ILDR1: variants seen among roughly 807,000 people sequenced by gnomAD.
The protein encoded by ILDR1 is immunoglobulin like domain containing receptor 1.
ILDR1 carries 56 observed loss-of-function variants against 62.4 expected under a neutral mutation model. That is an observed-to-expected ratio of 0.90 (90% CI 0.72 to 1.12). The LOEUF is 1.12. Ranked by LOEUF, ILDR1 falls within the 50% of genes most tolerant of loss-of-function variation. The pLI is 0.00. For synonymous variants in ILDR1, 284 were observed against 277.8 expected, an observed-to-expected ratio of 1.02 and a Z score of -0.22; for missense variants, 736 against 710.6, an observed-to-expected ratio of 1.04 and a Z score of -0.41.
At chr3:121,991,421 C>A (rs1305477298) in intron 7 of ILDR1, among the ~76,000 whole-genome samples, 1 of 152,094 alleles carries the variant, frequency 6.6e-6, no homozygotes, top group African/African-American at 2.4e-5. Flanking sequence ...AATGAAGAGA[C>A]CTGGTTTAGT....
the ILDR1 span, among the ~76,000 whole-genome samples, chr3:122,042,844 A>T: frequency 3.3e-5 from 5 of 151,300 alleles, no homozygotes; most frequent in East Asian, 5.9e-4. Context: ...GGTTGTGAAA[A>T]TTTTTTCCCA....
chr3:122,029,511 A>ATATATATAT, the ILDR1 span, among the ~76,000 whole-genome samples: 4,909 of 139,240 alleles, frequency 0.035, 178 homozygotes, highest in African/African-American at 0.085. Flanking sequence ...GTCTAAAAAA[A>ATATATATAT]ATATATATAT....
chr3:121,993,151 G>A lies in ILDR1; in HGVS notation c.1598C>T (p.Ser533Leu), dbSNP rs751575285. Residue 533 changes from serine to leucine, a missense_variant and splice_region_variant, in exon 7 of 8, where the codon TCG (serine) becomes TTG (leucine). Physicochemically the swap from Ser to Leu is moderately radical, Grantham distance 145. Coordinates refer to ENST00000344209, the MANE Select transcript of ILDR1 (RefSeq NM_001199799.2). The part of the protein sequence containing the change: ...SRKKGSVERR[S>L]EKDSSHSGRS... ...CTCAGCAGGATGCCCCAGGCTCACC[G>A]AGCGCCTCTCCACACTCCCTTTTTT... 8.8e-6 allele frequency: 14 copies of A among 1,583,886 alleles called. No individual in the cohort carries two copies. The highest frequency in any genetic ancestry group is 1.7e-4 in the Middle Eastern group (1 of 6,030).
chr3:122,030,619 G>GTTTT, the ILDR1 span, among the ~76,000 whole-genome samples: 292 of 132,104 alleles, frequency 2.2e-3, 3 homozygotes, highest in South Asian at 0.021. Context: ...AGAGGCAAGG[G>GTTTT]TTTTTCTCTC....
At chr3:122,021,614 C>A (rs1257628160) in intron 1 of ILDR1, among the ~76,000 whole-genome samples, 1 of 152,194 alleles carries the variant, frequency 6.6e-6, no homozygotes. Flanking sequence ...CACATTATAA[C>A]CTCCCAGAAA....
the ILDR1 span, among the ~76,000 whole-genome samples, chr3:122,056,300 G>C: frequency 2.0e-5 from 3 of 152,110 alleles, no homozygotes; most frequent in Non-Finnish European, 4.4e-5. Flanking sequence ...CTCTTGGGTG[G>C]TGGCAGCTGG....
intron 7 of ILDR1, 81 bp downstream of exon 7, chr3:121,993,068 AG>A (rs993140257): frequency 8.7e-7 from 1 of 1,144,752 alleles, no homozygotes; most frequent in Non-Finnish European, 1.3e-6. Context: ...AATGAGAGGC[AG>A]CCTGTGTTGG....
chr3:122,001,709 G>A (rs2071529446), intron 4 of ILDR1, 36 bp downstream of exon 4: 1 of 1,606,462 alleles, frequency 6.2e-7, no homozygotes, highest in South Asian at 1.1e-5. Flanking sequence ...TTACGGCAGT[G>A]AGGGTGACTG....
chr3:122,034,092 A>C, the ILDR1 span, among the ~76,000 whole-genome samples: 4 of 152,208 alleles, frequency 2.6e-5, no homozygotes, highest in African/African-American at 9.6e-5. Flanking sequence ...TATGTTATTA[A>C]GCCTTCCAAT....
intron 1 of ILDR1, among the ~76,000 whole-genome samples, chr3:122,020,674 G>A (rs1240714890): frequency 6.6e-6 from 1 of 152,216 alleles, no homozygotes; most frequent in Non-Finnish European, 1.5e-5. Flanking sequence ...GGAGCCACAG[G>A]AGAGAAGACT....
intron 1 of ILDR1, among the ~76,000 whole-genome samples, chr3:122,016,653 G>T (rs1407572330): frequency 6.6e-6 from 1 of 152,198 alleles, no homozygotes; most frequent in East Asian, 1.9e-4. Context: ...GAATTAGTTG[G>T]CCTTGAATTT....
chr3:122,001,666 G>GTT lies in ILDR1; in HGVS notation c.499+78_499+79insAA. The GTT allele has an allele frequency of 4.2e-6, 6 of 1,433,364 alleles. No homozygotes were observed. The African/African-American group carries it at 4.8e-5, about 11-fold the overall frequency. 88.8% of individuals were successfully genotyped at this position (1,433,364 alleles called of 1,614,324 possible). On this transcript the variant is annotated intron_variant, in intron 4 of 7. Transcript: ENST00000344209. ...CAAGAACTTAGGCTTGCTTATTTCT[G>GTT]GTTTTTTTTTTTTTTTCCTGTGAGT...
At chr3:121,990,011 C>T (rs1401532615) in intron 7 of ILDR1, among the ~76,000 whole-genome samples, 1 of 152,180 alleles carries the variant, frequency 6.6e-6, no homozygotes, top group African/African-American at 2.4e-5. Context: ...TGCTGAAAGC[C>T]TGCTTTAGGA....
At position 122,007,140 on chromosome 3, in the gene ILDR1, G is replaced by C; in HGVS notation, c.80C>G (p.Thr27Arg). ...GACATAGCGTTCTGTGTGCTGGACCGTCACAAGCAAGGACAGGCACCCTAA... is the reference window on the plus strand; with the variant it reads ...GACATAGCGTTCTGTGTGCTGGACCCTCACAAGCAAGGACAGGCACCCTAA... ...LPAGCLSLLV[T>R]VQHTERYVTL... Residue 27 changes from threonine (T) to arginine (R), a missense_variant, in exon 2 of 8, where the codon ACG (threonine) becomes AGG (arginine). Thr to Arg is a moderately conservative substitution (Grantham distance 71, BLOSUM62 -1). Coordinates refer to ENST00000344209, the MANE Select transcript of ILDR1 (RefSeq NM_001199799.2). The C allele has an allele frequency of 1.2e-6, 2 of 1,614,164 alleles. No individual in the cohort carries two copies. Among genetic ancestry groups the C allele is most frequent in the Non-Finnish European group, 1.7e-6 (2 of 1,180,024 alleles).
At chr3:122,025,842 G>A (rs2071914120), upstream of ILDR1, among the ~76,000 whole-genome samples, 2 of 152,162 alleles carry the variant, frequency 1.3e-5, no homozygotes, top group African/African-American at 4.8e-5. Context: ...GACACTAGAA[G>A]ATTCAGACTA....
intron 1 of ILDR1, among the ~76,000 whole-genome samples, chr3:122,016,153 T>A (rs978029446): frequency 2.6e-5 from 4 of 152,238 alleles, no homozygotes; most frequent in African/African-American, 9.6e-5. Flanking sequence ...ACTAAGCTCC[T>A]ATCCAGCAGT....
intron 1 of ILDR1, among the ~76,000 whole-genome samples, chr3:122,013,498 A>T (rs148900506): frequency 5.5e-4 from 84 of 152,220 alleles, no homozygotes; most frequent in African/African-American, 2.0e-3. Context: ...AGGTTAACAA[A>T]ATGCACACAG....
chr3:122,011,690 C>T (rs1332690082), intron 1 of ILDR1, among the ~76,000 whole-genome samples: 1 of 151,640 alleles, frequency 6.6e-6, no homozygotes, highest in East Asian at 1.9e-4. Context: ...CACACACACA[C>T]ACACACGGGA....
the ILDR1 span, among the ~76,000 whole-genome samples, chr3:122,029,065 C>G: frequency 6.6e-6 from 1 of 152,014 alleles, no homozygotes; most frequent in Non-Finnish European, 1.5e-5. Flanking sequence ...AGTGGATTAA[C>G]TAGATTTACA....
Sources: allele counts gnomAD v4.1 joint callset (sites outside exome capture counted in the v4.1 genomes callset), GRCh38; gene constraint gnomAD v4.1.1; transcripts MANE v1.5; gene names NCBI Gene and HGNC (gene_info 2026-07-23, HGNC 2026-07-21).